Variants in VSNL1 observed in about 807,000 individuals in gnomAD.
The protein encoded by VSNL1 is visinin like 1.
VSNL1 carries 6 observed loss-of-function variants against 20.4 expected under a neutral mutation model. The ratio of observed to expected loss-of-function variants is 0.29; its 90% confidence interval spans 0.16 to 0.58. VSNL1 has a LOEUF of 0.58. VSNL1 is among the 20% of genes least tolerant of loss of function. The pLI is 0.90. For synonymous variants in VSNL1, 93 were observed against 86.4 expected (o/e 1.08, Z -0.42); for missense variants, 100 against 234.5 (o/e 0.43, Z 3.75).
rs537018613 is a variant in VSNL1 at position 17,575,975 on chromosome 2, A to G, written c.-5-16095A>G. On this transcript the variant is annotated intron_variant, in intron 1 of 3. Coordinates refer to ENST00000295156, the MANE Select transcript of VSNL1 (RefSeq NM_003385.5). ...GGAATATGCTTATCATTCCATTATT[A>G]TAACTTAAAAATAAATTTTTTTGCA... Among the ~76,000 whole-genome samples, 72 of 152,340 alleles carry G rather than the reference A, an allele frequency of 4.7e-4. 1 individual carries two copies. Among genetic ancestry groups the G allele is most frequent in the Admixed American group, 2.4e-3 (36 of 15,304 alleles).
chr2:17,653,485 C>T (rs1188715055), intron 3 of VSNL1, among the ~76,000 whole-genome samples: 1 of 152,178 alleles, frequency 6.6e-6, no homozygotes, highest in Middle Eastern at 3.2e-3. Flanking sequence ...CCGTGCTTTT[C>T]CTTTGTGCAC....
intron 1 of VSNL1, among the ~76,000 whole-genome samples, chr2:17,590,475 A>AGTCATGG (rs1362187156): frequency 6.6e-6 from 1 of 152,178 alleles, no homozygotes. Context: ...AAATAAGTAG[A>AGTCATGG]GAAGCCCCAT....
At chr2:17,587,336 C>A (rs1242454133) in intron 1 of VSNL1, among the ~76,000 whole-genome samples, 1 of 142,538 alleles carries the variant, frequency 7.0e-6, no homozygotes, top group Non-Finnish European at 1.5e-5. Context: ...AGGTAAGAGA[C>A]AGGCTGAGGG....
chr2:17,610,846 C>CTGCATG (rs1372939794), intron 2 of VSNL1, among the ~76,000 whole-genome samples: 3 of 152,196 alleles, frequency 2.0e-5, no homozygotes, highest in Non-Finnish European at 4.4e-5. Context: ...GCCCTGAACT[C>CTGCATG]TGCATGCTTT....
At chr2:17,647,811 AAC>A (rs1477679986) in intron 2 of VSNL1, among the ~76,000 whole-genome samples, 2 of 152,182 alleles carry the variant, frequency 1.3e-5, no homozygotes, top group Admixed American at 6.5e-5. Flanking sequence ...GCAGTCTCGG[AAC>A]ACAGAGACCT....
At chr2:17,635,861 A>G (rs1425391342) in intron 2 of VSNL1, among the ~76,000 whole-genome samples, 1 of 152,150 alleles carries the variant, frequency 6.6e-6, no homozygotes, top group African/African-American at 2.4e-5. Flanking sequence ...CACCCATGGA[A>G]ACTGAGGCTT....
chr2:17,592,167 C>T lies in VSNL1; in HGVS notation c.93C>T (p.Tyr31=). 1.2e-6 allele frequency: 2 copies of T among 1,613,886 alleles called. No individual in the cohort carries two copies. Among genetic ancestry groups the T allele is most frequent in the East Asian group, 2.2e-5 (1 of 44,862 alleles). The stretch of plus-strand genomic sequence containing the variant: ...ATGAGCATGAACTCAAGCAGTGGTA[C>T]AAAGGATTTCTCAAGGACTGTCCAA... ...EFNEHELKQW[Y]KGFLKDCPSG... is the part of the protein sequence containing the mutation. Residue 31 remains tyrosine, a synonymous_variant, in exon 2 of 4, where the codon TAC becomes TAT. Coordinates refer to ENST00000295156, the MANE Select transcript of VSNL1 (RefSeq NM_003385.5).
At chr2:17,632,085 C>A (rs1453957540) in intron 2 of VSNL1, among the ~76,000 whole-genome samples, 1 of 152,082 alleles carries the variant, frequency 6.6e-6, no homozygotes, top group Non-Finnish European at 1.5e-5. Flanking sequence ...CGGTTTTTCA[C>A]CATGTTGGCC....
chr2:17,577,640 A>G (rs1348496791), intron 1 of VSNL1, among the ~76,000 whole-genome samples: 2 of 151,966 alleles, frequency 1.3e-5, no homozygotes, highest in African/African-American at 4.8e-5. Flanking sequence ...CTACCCTTCT[A>G]TTTAGCATCC....
At position 17,591,974 on chromosome 2, in the gene VSNL1, C is replaced by T. The variant is rs951653344; in HGVS notation, c.-5-96C>T. The T allele has an allele frequency of 2.6e-5, 36 of 1,408,154 alleles. No individual in the cohort carries two copies. In the East Asian group the frequency reaches 4.2e-4, roughly 16 times the overall value. 87.2% of individuals were successfully genotyped at this position (1,408,154 alleles called of 1,614,324 possible). On this transcript the variant is annotated intron_variant, in intron 1 of 3. Coordinates refer to ENST00000295156, the MANE Select transcript of VSNL1 (RefSeq NM_003385.5). ...GCATCAGCCACACTGGAGGGAGTTC[C>T]GACCATGGGACTGCTCAGAACTCTA...
rs1479936671 is a variant in VSNL1 at position 17,649,583 on chromosome 2, T to C, written c.336T>C (p.Gly112=). Residue 112 remains glycine, a synonymous_variant, in exon 3 of 4, where the codon GGT becomes GGC. Coordinates refer to ENST00000295156, the MANE Select transcript of VSNL1 (RefSeq NM_003385.5). The surrounding 1 kb of genome is among the most constrained non-coding windows in gnomAD (Gnocchi z 6.4). Reference sequence around the variant, plus strand: ...CCTTCAATATGTATGACCTGGATGGTGATGGCAAGATCACCCGAGTGGAGA... The same window carrying C: ...CCTTCAATATGTATGACCTGGATGGCGATGGCAAGATCACCCGAGTGGAGA... ...NWAFNMYDLD[G]DGKITRVEML... 2 of 1,613,950 alleles carry C rather than the reference T, an allele frequency of 1.2e-6. No homozygotes were observed. The highest frequency in any genetic ancestry group is 1.7e-6 in the Non-Finnish European group (2 of 1,180,038).
At position 17,633,626 on chromosome 2, in the gene VSNL1, G is replaced by A. The variant is rs192204048; in HGVS notation, c.163-15784G>A. 3.9e-5 allele frequency among the ~76,000 whole-genome samples: 6 copies of A among 152,286 alleles called. No homozygotes were observed. In the East Asian group the frequency reaches 9.7e-4, roughly 25 times the overall value. On this transcript the variant is annotated intron_variant, in intron 2 of 3. Coordinates refer to ENST00000295156, the MANE Select transcript of VSNL1 (RefSeq NM_003385.5). ...GAAATACTTATTGAATATCCATTGTGTTCCAGGCACTAAGAATACAGACAT... is the reference window on the plus strand; with the variant it reads ...GAAATACTTATTGAATATCCATTGTATTCCAGGCACTAAGAATACAGACAT...
intron 2 of VSNL1, among the ~76,000 whole-genome samples, chr2:17,601,057 G>A (rs1664809908): frequency 6.6e-6 from 1 of 152,194 alleles, no homozygotes; most frequent in Non-Finnish European, 1.5e-5. Context: ...TTGGGATTTT[G>A]CTTTCCCATG....
chr2:17,624,585 T>G (rs965206759), intron 2 of VSNL1, among the ~76,000 whole-genome samples: 7 of 152,066 alleles, frequency 4.6e-5, no homozygotes, highest in Non-Finnish European at 8.8e-5. Context: ...GAAGGGAAGG[T>G]TGGAGTGACT....
intron 3 of VSNL1, among the ~76,000 whole-genome samples, chr2:17,653,782 A>C (rs2710665): frequency 0.36 from 55,090 of 151,890 alleles, 11,034 homozygotes; most frequent in African/African-American, 0.51. Flanking sequence ...AAGTGTACAA[A>C]TTAAATGATT....
At chr2:17,561,712 G>A (rs1021457053) in intron 1 of VSNL1, among the ~76,000 whole-genome samples, 4 of 152,316 alleles carry the variant, frequency 2.6e-5, no homozygotes, top group South Asian at 4.1e-4. Context: ...CACAAATTCA[G>A]AGACTTGTAT....
At chr2:17,625,073 A>C (rs1471223107) in intron 2 of VSNL1, among the ~76,000 whole-genome samples, 1 of 152,148 alleles carries the variant, frequency 6.6e-6, no homozygotes, top group African/African-American at 2.4e-5. Flanking sequence ...GTGGTGAATA[A>C]GTCTCACGAG....
chr2:17,578,980 C>T (rs1001484293), intron 1 of VSNL1, among the ~76,000 whole-genome samples: 1 of 152,238 alleles, frequency 6.6e-6, no homozygotes, highest in Non-Finnish European at 1.5e-5. Flanking sequence ...ACTCCTCTTC[C>T]TCCAGCTTCT....
At chr2:17,593,256 A>G (rs1188380530) in intron 2 of VSNL1, among the ~76,000 whole-genome samples, 1 of 152,180 alleles carries the variant, frequency 6.6e-6, no homozygotes, top group African/African-American at 2.4e-5. Context: ...ACTATTCACA[A>G]TGGTAAAACT....
Sources: gnomAD v4.1 joint callset for allele counts (sites outside exome capture counted in the v4.1 genomes callset) on GRCh38, gnomAD v4.1.1 for gene constraint, Gnocchi (gnomAD v3.1) non-coding constraint, MANE v1.5 for transcripts, NCBI Gene and HGNC (gene_info 2026-07-23, HGNC 2026-07-21) for gene names.